CTNND2: variants seen among roughly 807,000 people sequenced by gnomAD.
The protein encoded by CTNND2 is catenin delta-2.
CTNND2 carries 22 observed loss-of-function variants against 144.4 expected under a neutral mutation model. That is an observed-to-expected ratio of 0.15 (90% CI 0.11 to 0.22). The LOEUF (loss-of-function observed/expected upper bound fraction) is 0.22, where lower values mean the gene tolerates loss of function less well. CTNND2 is among the 10% of genes least tolerant of loss of function. CTNND2 has a pLI of 1.00. For missense variants in CTNND2, 1,353 were observed against 1,618.8 expected (o/e 0.84, Z 2.82); for synonymous variants, 751 against 695.6 (o/e 1.08, Z -1.25).
intron 16 of CTNND2, among the ~76,000 whole-genome samples, chr5:11,048,964 C>T (rs1373996053): frequency 6.6e-6 from 1 of 152,208 alleles, no homozygotes; most frequent in Non-Finnish European, 1.5e-5. Context: ...GGCCTCCACC[C>T]ACTAGGTGCC....
chr5:11,374,359 T>C (rs1427756551), intron 7 of CTNND2, among the ~76,000 whole-genome samples: 3 of 152,214 alleles, frequency 2.0e-5, no homozygotes, highest in African/African-American at 2.4e-5. Context: ...ATTTAATCTA[T>C]GAAGGTTAAT....
intron 18 of CTNND2, among the ~76,000 whole-genome samples, chr5:11,016,632 G>A (rs1217938359): frequency 1.3e-5 from 2 of 152,192 alleles, no homozygotes; most frequent in African/African-American, 4.8e-5. Flanking sequence ...GTGGCCAGGG[G>A]GCTGCAGGTG....
intron 1 of CTNND2, among the ~76,000 whole-genome samples, chr5:11,833,066 G>T (rs1793991923): frequency 6.6e-6 from 1 of 152,188 alleles, no homozygotes; most frequent in Admixed American, 6.5e-5. Flanking sequence ...AAAGTGGATG[G>T]CAATTCTGTA....
intron 11 of CTNND2, among the ~76,000 whole-genome samples, chr5:11,182,634 A>C (rs1400653107): frequency 6.6e-6 from 1 of 151,956 alleles, no homozygotes; most frequent in Non-Finnish European, 1.5e-5. Context: ...TCCCCCAAGG[A>C]TTGGGTAATA....
chr5:11,566,845 C>A (rs1456917611), intron 2 of CTNND2, among the ~76,000 whole-genome samples: 2 of 152,216 alleles, frequency 1.3e-5, no homozygotes, highest in Admixed American at 6.5e-5. Flanking sequence ...CGTTTGCAAG[C>A]TTCCTTCCCA....
intron 9 of CTNND2, among the ~76,000 whole-genome samples, chr5:11,284,734 G>C (rs1400957777): frequency 1.3e-5 from 2 of 152,190 alleles, no homozygotes; most frequent in African/African-American, 4.8e-5. Context: ...ACATGTACAT[G>C]TGTCTTTATA....
intron 16 of CTNND2, among the ~76,000 whole-genome samples, chr5:11,070,212 G>C (rs924531199): frequency 9.2e-5 from 14 of 152,034 alleles, no homozygotes; most frequent in Admixed American, 7.9e-4. Context: ...ATTATCTAGT[G>C]AGATAATGGA....
chr5:11,148,686 G>A (rs1163476596), intron 12 of CTNND2, among the ~76,000 whole-genome samples: 1 of 152,188 alleles, frequency 6.6e-6, no homozygotes, highest in African/African-American at 2.4e-5. Context: ...GTCCCCGTGG[G>A]AGTGGGAAGC....
At chr5:11,440,703 T>C (rs1368634122) in intron 3 of CTNND2, among the ~76,000 whole-genome samples, 1 of 152,188 alleles carries the variant, frequency 6.6e-6, no homozygotes, top group Non-Finnish European at 1.5e-5. Flanking sequence ...AGAATAATGC[T>C]AGAGGGCCAA....
intron 9 of CTNND2, among the ~76,000 whole-genome samples, chr5:11,327,299 G>A (rs983911751): frequency 2.8e-4 from 42 of 152,276 alleles, no homozygotes; most frequent in Admixed American, 3.3e-4. Context: ...GGCAAAGTGG[G>A]ACAAAGGCTC....
chr5:11,895,756 T>C (rs775565883), intron 1 of CTNND2, among the ~76,000 whole-genome samples: 3 of 151,938 alleles, frequency 2.0e-5, no homozygotes, highest in Non-Finnish European at 4.4e-5. Flanking sequence ...AAATCAATTT[T>C]AAAAAAGGAA....
chr5:11,031,392 G>A (rs1054511778), intron 16 of CTNND2, among the ~76,000 whole-genome samples: 2 of 152,182 alleles, frequency 1.3e-5, no homozygotes, highest in Admixed American at 1.3e-4. Flanking sequence ...CTGCTACAGG[G>A]CTGAGGGGTG....
intron 2 of CTNND2, among the ~76,000 whole-genome samples, chr5:11,631,419 A>G (rs1368096395): frequency 6.6e-6 from 1 of 152,214 alleles, no homozygotes; most frequent in Non-Finnish European, 1.5e-5. Context: ...TTGGTAAGGA[A>G]AGGCCCTATT....
At chr5:11,259,242 T>C (rs1480578175) in intron 9 of CTNND2, among the ~76,000 whole-genome samples, 1 of 152,212 alleles carries the variant, frequency 6.6e-6, no homozygotes, top group East Asian at 1.9e-4. Context: ...GAGCCAATTC[T>C]TTAAAATCAA....
In CTNND2 at chr5:11,090,407, C is replaced by T. The variant is rs1218441621; in HGVS notation, c.2638-7561G>A. On this transcript the variant is annotated intron_variant, in intron 15 of 21. Transcript: ENST00000304623. ...GGGCAGAAGGCCCCAACCCCCGGGC[C>T]GCAGACCAGTATTGTGGCCTGTTAG... 3.3e-5 allele frequency among the ~76,000 whole-genome samples: 5 copies of T among 152,200 alleles called. No individual in the cohort carries two copies. In the South Asian group the frequency reaches 8.3e-4, roughly 25 times the overall value.
Position 11,644,497 on chromosome 5 carries a change from A to C in CTNND2, c.175-79441T>G, listed in dbSNP as rs183343255. On this transcript the variant is annotated intron_variant, in intron 2 of 21. Coordinates refer to ENST00000304623, the MANE Select transcript of CTNND2 (RefSeq NM_001332.4). ...AGACCATCCTGGTTAACACAGTGAA[A>C]CCCTGTCTCTACTAAAAATACAAAA... Among the ~76,000 whole-genome samples, 882 of 152,040 alleles carry C rather than the reference A, an allele frequency of 5.8e-3. 5 individuals are homozygous for C. The highest frequency in any genetic ancestry group is 9.6e-3 in the Non-Finnish European group (650 of 67,976).
intron 11 of CTNND2, among the ~76,000 whole-genome samples, chr5:11,194,166 G>C (rs1736620901): frequency 6.6e-6 from 1 of 152,100 alleles, no homozygotes; most frequent in African/African-American, 2.4e-5. Context: ...CATAGCCCAG[G>C]ATACACACAG....
At chr5:11,236,561 G>A in intron 10 of CTNND2, 130 bp downstream of exon 10, 1 of 1,013,784 alleles carries the variant, frequency 9.9e-7, no homozygotes. Context: ...CTATGTTCTA[G>A]TCATAAATAT....
chr5:11,089,225 G>A (rs1008603874), intron 15 of CTNND2, among the ~76,000 whole-genome samples: 4 of 152,052 alleles, frequency 2.6e-5, no homozygotes, highest in Non-Finnish European at 5.9e-5. Context: ...TTGCCTATGT[G>A]GGGGTCTCTT....
Sources: gnomAD v4.1 joint callset for allele counts (sites outside exome capture counted in the v4.1 genomes callset) on GRCh38, gnomAD v4.1.1 for gene constraint, MANE v1.5 for transcripts, NCBI Gene and HGNC (gene_info 2026-07-23, HGNC 2026-07-21) for gene names.